SRBD1: variants seen among roughly 807,000 people sequenced by gnomAD.
SRBD1 encodes the protein S1 RNA binding domain 1.
SRBD1 carries 88 observed loss-of-function variants against 115.3 expected under a neutral mutation model. The ratio of observed to expected loss-of-function variants is 0.76; its 90% CI spans 0.64 to 0.91. The LOEUF is 0.91. Ranked by LOEUF, SRBD1 falls within the 40% of genes least tolerant of loss-of-function variation. SRBD1 has a pLI of 0.00. For synonymous variants in SRBD1, 509 were observed against 407.7 expected (o/e 1.25, Z -2.99); for missense variants, 1,385 against 1,177.4 (o/e 1.18, Z -2.58).
At chr2:45,480,871 C>T (rs1204221944) in intron 15 of SRBD1, among the ~76,000 whole-genome samples, 1 of 151,960 alleles carries the variant, frequency 6.6e-6, no homozygotes, top group Non-Finnish European at 1.5e-5. Flanking sequence ...AAATAAAGTT[C>T]TACTGAATGT....
chr2:45,410,975 T>C (rs1050555238), intron 19 of SRBD1, among the ~76,000 whole-genome samples: 3 of 152,186 alleles, frequency 2.0e-5, no homozygotes, highest in African/African-American at 7.2e-5. Flanking sequence ...TTATAATAAG[T>C]GGATGAACAT....
intron 16 of SRBD1, among the ~76,000 whole-genome samples, chr2:45,431,489 G>A (rs1324434711): frequency 6.6e-6 from 1 of 152,156 alleles, no homozygotes; most frequent in African/African-American, 2.4e-5. Flanking sequence ...GGGATATGAA[G>A]CTGGAAGCCA....
At chr2:45,424,211 A>G (rs919725212) in intron 16 of SRBD1, among the ~76,000 whole-genome samples, 1 of 152,118 alleles carries the variant, frequency 6.6e-6, no homozygotes, top group Non-Finnish European at 1.5e-5. Flanking sequence ...GACATACTGC[A>G]TTTAGTTGCC....
chr2:45,511,342 A>C (rs1670962800), intron 14 of SRBD1, among the ~76,000 whole-genome samples: 1 of 152,192 alleles, frequency 6.6e-6, no homozygotes, highest in Non-Finnish European at 1.5e-5. Context: ...TTGGCAGCAA[A>C]TCATACTGTA....
chr2:45,558,990 A>T (rs1457185762), intron 10 of SRBD1, among the ~76,000 whole-genome samples: 2 of 152,156 alleles, frequency 1.3e-5, no homozygotes, highest in Non-Finnish European at 2.9e-5. Context: ...GTGAGCCACC[A>T]CGCCCAGCCG....
chr2:45,563,487 A>G (rs1417365806), intron 9 of SRBD1, among the ~76,000 whole-genome samples: 1 of 152,074 alleles, frequency 6.6e-6, no homozygotes, highest in African/African-American at 2.4e-5. Context: ...TAGAGAATAG[A>G]AAAGCAATAA....
chr2:45,412,897 C>G (rs1572608551), intron 19 of SRBD1, among the ~76,000 whole-genome samples: 1 of 152,118 alleles, frequency 6.6e-6, no homozygotes, highest in South Asian at 2.1e-4. Context: ...CCATTAGTAT[C>G]AGGGTTTATT....
chr2:45,422,039 G>A (rs1668023057), intron 16 of SRBD1, among the ~76,000 whole-genome samples: 1 of 152,150 alleles, frequency 6.6e-6, no homozygotes, highest in Non-Finnish European at 1.5e-5. Flanking sequence ...TTTTTAAAAT[G>A]GGTGGGTAGG....
chr2:45,579,108 TG>T (rs1673267825), intron 7 of SRBD1, among the ~76,000 whole-genome samples: 1 of 152,166 alleles, frequency 6.6e-6, no homozygotes, highest in Admixed American at 6.5e-5. Flanking sequence ...TAACCAAAGT[TG>T]TCACTCTAAG....
chr2:45,498,907 TTAGA>T (rs1201593244), intron 14 of SRBD1, among the ~76,000 whole-genome samples: 1 of 152,238 alleles, frequency 6.6e-6, no homozygotes, highest in Admixed American at 6.5e-5. Context: ...TGACAGACAC[TTAGA>T]TTGATTCCAT....
rs1211390897 is a variant in SRBD1, at chr2:45,599,434, A to G, written c.648+15T>C. On this transcript the variant is annotated intron_variant, in intron 4 of 20. Coordinates refer to ENST00000263736, the MANE Select transcript of SRBD1 (RefSeq NM_018079.5). ...ACTCAAAACAACTAAAGTGACAGAA[A>G]AAGGCTGCACATACCTGTACCATGT... is the stretch of plus-strand genomic sequence containing the variant. 5 of 1,601,610 alleles carry G rather than the reference A, an allele frequency of 3.1e-6. No homozygotes were observed. Among genetic ancestry groups the G allele is most frequent in the Non-Finnish European group, 4.3e-6 (5 of 1,173,216 alleles).
intron 16 of SRBD1, among the ~76,000 whole-genome samples, chr2:45,467,753 T>C (rs1398284731): frequency 6.6e-6 from 1 of 152,148 alleles, no homozygotes; most frequent in Non-Finnish European, 1.5e-5. Flanking sequence ...ATGAAATGTA[T>C]ATTTAAATTT....
intron 14 of SRBD1, among the ~76,000 whole-genome samples, chr2:45,540,898 A>G (rs1175835503): frequency 6.6e-6 from 1 of 152,244 alleles, no homozygotes; most frequent in Non-Finnish European, 1.5e-5. Flanking sequence ...AATTCCATTG[A>G]GGATACAGAG....
At chr2:45,418,872 T>A (rs1667915593) in intron 17 of SRBD1, among the ~76,000 whole-genome samples, 2 of 152,186 alleles carry the variant, frequency 1.3e-5, no homozygotes, top group South Asian at 4.1e-4. Flanking sequence ...GATAAAGTAA[T>A]AATTTTGCCT....
intron 14 of SRBD1, among the ~76,000 whole-genome samples, chr2:45,520,355 T>C (rs985862860): frequency 2.6e-5 from 4 of 152,184 alleles, no homozygotes; most frequent in South Asian, 2.1e-4. Context: ...CAGGCAGTAG[T>C]GTGAGAATAT....
intron 16 of SRBD1, 87 bp downstream of exon 16, chr2:45,476,906 C>A: frequency 8.1e-7 from 1 of 1,229,910 alleles, no homozygotes; most frequent in South Asian, 1.3e-5. Context: ...GAATCTACTC[C>A]CACAGACACT....
chr2:45,590,723 A>G (rs1673694746), intron 4 of SRBD1, among the ~76,000 whole-genome samples: 1 of 152,090 alleles, frequency 6.6e-6, no homozygotes, highest in Admixed American at 6.5e-5. Flanking sequence ...AAGTCAATTA[A>G]ACCTCTTCCC....
rs769784717 is a variant in SRBD1, at chr2:45,599,752, C to T, written c.345G>A (p.Lys115=). The change falls in exon 4 of 21, where the codon AAG becomes AAA. Residue 115 remains lysine, a synonymous_variant. Transcript: ENST00000263736. ...LDTVQTLKTA[K]TKQKCAAQPH... ...GCTGCGCTGCACATTTCTGTTTTGT[C>T]TTGGCTGTTTTCAGAGTCTGTACAG... 2.7e-5 allele frequency: 43 copies of T among 1,614,034 alleles called. No individual in the cohort carries two copies. The highest frequency in any genetic ancestry group is 3.6e-5 in the Non-Finnish European group (43 of 1,180,038).
chr2:45,596,527 T>C (rs1047030438), intron 4 of SRBD1, among the ~76,000 whole-genome samples: 1 of 152,232 alleles, frequency 6.6e-6, no homozygotes, highest in Non-Finnish European at 1.5e-5. Context: ...CAATTCTCAG[T>C]AATTTCTCAG....
Sources: gnomAD v4.1 joint callset for allele counts (sites outside exome capture counted in the v4.1 genomes callset) on GRCh38, gnomAD v4.1.1 for gene constraint, MANE v1.5 for transcripts, NCBI Gene and HGNC (gene_info 2026-07-23, HGNC 2026-07-21) for gene names.